Variants in THADA observed in about 807,000 individuals in gnomAD.
The protein encoded by THADA is THADA armadillo repeat containing, also known as tRNA (32-2'-O)-methyltransferase regulator THADA.
THADA carries 213 observed loss-of-function variants against 219.8 expected under a neutral mutation model. The ratio of observed to expected loss-of-function variants is 0.97; its 90% CI spans 0.87 to 1.09. THADA has a LOEUF of 1.09. Among genes scored for constraint, THADA ranks in the 50% least tolerant of loss-of-function variants. THADA has a pLI of 0.00. For missense variants in THADA, 2,956 were observed against 2,311.3 expected (o/e 1.28, Z -5.72); for synonymous variants, 1,018 against 828.9 (o/e 1.23, Z -3.92).
chr2:43,524,207 C>A (rs1417809298), intron 22 of THADA, among the ~76,000 whole-genome samples: 1 of 152,170 alleles, frequency 6.6e-6, no homozygotes, highest in South Asian at 2.1e-4. Flanking sequence ...AAAATTAACT[C>A]AACACACTAT....
chr2:43,471,614 G>A (rs77101426), intron 26 of THADA, among the ~76,000 whole-genome samples: 6,746 of 152,226 alleles, frequency 0.044, 191 homozygotes, highest in Non-Finnish European at 0.071. Flanking sequence ...CTTGTAAACA[G>A]CAAACACAAC....
chr2:43,360,786 T>C (rs1263248405), intron 29 of THADA, among the ~76,000 whole-genome samples: 2 of 152,164 alleles, frequency 1.3e-5, no homozygotes, highest in Non-Finnish European at 2.9e-5. Flanking sequence ...CAAAGAGAAG[T>C]TGTTATGGAT....
At chr2:43,347,112 T>G (rs1440190791) in intron 29 of THADA, among the ~76,000 whole-genome samples, 1 of 152,140 alleles carries the variant, frequency 6.6e-6, no homozygotes, top group Non-Finnish European at 1.5e-5. Flanking sequence ...AGATTAGTGC[T>G]AAGAATCCAG....
At chr2:43,303,543 A>G (rs1250875574) in intron 31 of THADA, among the ~76,000 whole-genome samples, 3 of 151,698 alleles carry the variant, frequency 2.0e-5, no homozygotes, top group African/African-American at 7.3e-5. Flanking sequence ...TGCTCTTCTG[A>G]GCTACTCATA....
intron 31 of THADA, among the ~76,000 whole-genome samples, chr2:43,320,104 T>C (rs888297337): frequency 6.6e-6 from 1 of 152,100 alleles, no homozygotes; most frequent in African/African-American, 2.4e-5. Flanking sequence ...CTCCACAGAA[T>C]GGAACAGAAT....
At chr2:43,292,080 G>A (rs1308068557) in intron 33 of THADA, 24 bp downstream of exon 33, 3 of 1,497,752 alleles carry the variant, frequency 2.0e-6, no homozygotes, top group African/African-American at 2.8e-5. Flanking sequence ...TACCAAGGTT[G>A]CACAGGAGGT....
chr2:43,331,916 A>AACACACACACACACACACACACAC, intron 30 of THADA, among the ~76,000 whole-genome samples: 1 of 91,702 alleles, frequency 1.1e-5, no homozygotes, highest in South Asian at 3.5e-4. Flanking sequence ...ATATATATCT[A>AACACACACACACACACACACACAC]ATACACACAC....
intron 35 of THADA, among the ~76,000 whole-genome samples, chr2:43,285,110 CT>C (rs1267879735): frequency 3.9e-5 from 6 of 152,176 alleles, no homozygotes; most frequent in Non-Finnish European, 2.9e-5. Flanking sequence ...TCAGATAAGA[CT>C]TTGGACTGTG....
intron 31 of THADA, among the ~76,000 whole-genome samples, chr2:43,296,425 G>A (rs983294856): frequency 1.3e-5 from 2 of 151,846 alleles, no homozygotes; most frequent in African/African-American, 2.4e-5. Context: ...ACAGGCACAC[G>A]CCACCACACC....
At chr2:43,550,037 C>A (rs1696569028) in intron 19 of THADA, among the ~76,000 whole-genome samples, 1 of 152,102 alleles carries the variant, frequency 6.6e-6, no homozygotes, top group South Asian at 2.1e-4. Context: ...CATTTTTATT[C>A]CCTAAGCACT....
chr2:43,312,824 C>T (rs1401578493), intron 31 of THADA, among the ~76,000 whole-genome samples: 1 of 150,896 alleles, frequency 6.6e-6, no homozygotes, highest in Non-Finnish European at 1.5e-5. Flanking sequence ...CTTTTTATTT[C>T]CCACCCAGAG....
intron 29 of THADA, among the ~76,000 whole-genome samples, chr2:43,382,274 C>T (rs539147912): frequency 7.2e-5 from 11 of 152,158 alleles, no homozygotes; most frequent in Non-Finnish European, 8.8e-5. Flanking sequence ...TTAGCCATGA[C>T]AAATGTTGCA....
intron 8 of THADA, among the ~76,000 whole-genome samples, chr2:43,580,355 A>G (rs1243537090): frequency 2.6e-5 from 4 of 151,994 alleles, no homozygotes; most frequent in Admixed American, 2.6e-4. Flanking sequence ...ACCTCATATT[A>G]AAATCATGTA....
chr2:43,287,119 G>C, intron 34 of THADA, 58 bp from the exon 35 acceptor site: 2 of 1,523,070 alleles, frequency 1.3e-6, no homozygotes, highest in South Asian at 2.4e-5. Context: ...GGCTGACACA[G>C]AATTAGGGGT....
At chr2:43,433,562 T>C (rs995813003) in intron 26 of THADA, among the ~76,000 whole-genome samples, 1 of 152,058 alleles carries the variant, frequency 6.6e-6, no homozygotes, top group African/African-American at 2.4e-5. Flanking sequence ...AAAGGAGATG[T>C]GCTGTGCTCA....
intron 26 of THADA, among the ~76,000 whole-genome samples, chr2:43,477,782 C>G (rs1573851451): frequency 6.6e-6 from 1 of 152,336 alleles, no homozygotes; most frequent in Middle Eastern, 3.4e-3. Flanking sequence ...AATCCTTGCT[C>G]TAGGAATGAA....
intron 25 of THADA, among the ~76,000 whole-genome samples, chr2:43,491,586 T>C (rs1687644123): frequency 6.6e-6 from 1 of 152,160 alleles, no homozygotes. Context: ...ATTAACACTG[T>C]GTTACAAATG....
At chr2:43,263,021 G>C (rs1302884428) in intron 36 of THADA, among the ~76,000 whole-genome samples, 1 of 152,160 alleles carries the variant, frequency 6.6e-6, no homozygotes, top group Non-Finnish European at 1.5e-5. Flanking sequence ...CAGCAGCAGG[G>C]CATCCTTGGC....
intron 26 of THADA, among the ~76,000 whole-genome samples, chr2:43,447,049 T>C (rs933373170): frequency 6.6e-6 from 1 of 152,186 alleles, no homozygotes; most frequent in Non-Finnish European, 1.5e-5. Context: ...AGAGGTTTAA[T>C]TGACTCACAG....
Sources: allele counts gnomAD v4.1 joint callset (sites outside exome capture counted in the v4.1 genomes callset), GRCh38; gene constraint gnomAD v4.1.1; transcripts MANE v1.5; gene names NCBI Gene and HGNC (gene_info 2026-07-23, HGNC 2026-07-21).